The following MGAT4C variants were observed in gnomAD, a reference collection of about 807,000 sequenced individuals.
MGAT4C encodes the protein alpha-1,3-mannosyl-glycoprotein 4-beta-N-acetylglucosaminyltransferase C.
MGAT4C carries 19 observed loss-of-function variants against 40.1 expected under a neutral mutation model. That is an observed-to-expected ratio of 0.47 (90% confidence interval 0.33 to 0.70). The LOEUF is 0.70. MGAT4C is among the 30% of genes least tolerant of loss of function. MGAT4C has a pLI of 0.02. For synonymous variants in MGAT4C, 181 were observed against 187.1 expected (o/e 0.97, Z 0.27); for missense variants, 491 against 563.2 (o/e 0.87, Z 1.30).
intron 3 of MGAT4C, among the ~76,000 whole-genome samples, chr12:86,394,490 TTTA>T (rs890827950): frequency 5.2e-5 from 7 of 134,234 alleles, no homozygotes; most frequent in African/African-American, 2.1e-4. Flanking sequence ...ATATATATAC[TTTA>T]TATATATATT....
At chr12:86,301,264 C>A (rs973676927) in intron 4 of MGAT4C, among the ~76,000 whole-genome samples, 1 of 152,104 alleles carries the variant, frequency 6.6e-6, no homozygotes, top group Admixed American at 6.5e-5. Flanking sequence ...AGATAAGAAT[C>A]ATTTATCATG....
At chr12:86,515,915 T>G (rs1958678657) in intron 2 of MGAT4C, among the ~76,000 whole-genome samples, 1 of 151,952 alleles carries the variant, frequency 6.6e-6, no homozygotes. Context: ...GCTAATTTTT[T>G]TTGTATTTTT....
intron 1 of MGAT4C, among the ~76,000 whole-genome samples, chr12:86,168,709 G>A (rs1428003615): frequency 6.6e-6 from 1 of 152,096 alleles, no homozygotes; most frequent in South Asian, 2.1e-4. Flanking sequence ...GTTGTACTGT[G>A]ATTATGTGTT....
intron 2 of MGAT4C, among the ~76,000 whole-genome samples, chr12:86,449,327 A>C (rs1957387717): frequency 6.6e-6 from 1 of 152,128 alleles, no homozygotes; most frequent in South Asian, 2.1e-4. Context: ...TTTTATTTAG[A>C]TATGCTTTGG....
intron 1 of MGAT4C, among the ~76,000 whole-genome samples, chr12:86,072,148 C>T (rs1459925178): frequency 6.6e-6 from 1 of 151,878 alleles, no homozygotes; most frequent in Non-Finnish European, 1.5e-5. Flanking sequence ...GATTATTCCT[C>T]TTTTACAGAT....
intron 2 of MGAT4C, among the ~76,000 whole-genome samples, chr12:86,704,892 G>C (rs886447413): frequency 6.6e-6 from 1 of 151,970 alleles, no homozygotes; most frequent in Non-Finnish European, 1.5e-5. Context: ...TTCATATCTT[G>C]TTCTTCATTA....
chr12:86,608,210 T>C (rs1356525451), intron 2 of MGAT4C, among the ~76,000 whole-genome samples: 2 of 151,972 alleles, frequency 1.3e-5, no homozygotes, highest in Admixed American at 6.6e-5. Context: ...AAGTCCATAA[T>C]GGAAAGAGCT....
At chr12:86,346,151 G>C (rs1187560627) in intron 3 of MGAT4C, among the ~76,000 whole-genome samples, 2 of 152,100 alleles carry the variant, frequency 1.3e-5, no homozygotes, top group East Asian at 3.8e-4. Context: ...ATTATAATAT[G>C]CAGCATCAGA....
At chr12:86,417,019 A>G (rs946565665) in intron 3 of MGAT4C, among the ~76,000 whole-genome samples, 1 of 152,070 alleles carries the variant, frequency 6.6e-6, no homozygotes, top group African/African-American at 2.4e-5. Flanking sequence ...GAGACAATAC[A>G]TTTCTATTTT....
rs1565982090 is a variant in MGAT4C, at chr12:86,774,423, T to TC, written c.-261-47183_-261-47182insG. Reference sequence around the variant, plus strand: ...TCTCTCTCTCTCTCTCTCTCTCTCTTTCTTTCTTTCTTTTCTGTTAGCCAT... The same window carrying TC: ...TCTCTCTCTCTCTCTCTCTCTCTCTTCTCTTTCTTTCTTTTCTGTTAGCCAT... On this transcript the variant is annotated intron_variant, in intron 1 of 7. Coordinates refer to the MGAT4C transcript ENST00000548651. Among the ~76,000 whole-genome samples, 16 of 124,698 alleles carry TC rather than the reference T, an allele frequency of 1.3e-4. 1 individual carries two copies. The East Asian group carries it at 3.7e-3, about 29-fold the overall frequency. The allele number at this position is 124,698 out of a possible 152,430, so 81.8% of individuals were successfully genotyped here.
At position 86,718,583 on chromosome 12, in the gene MGAT4C, G is replaced by T. The variant is rs559688742; in HGVS notation, c.-229+8626C>A. On this transcript the variant is annotated intron_variant, in intron 2 of 7. Transcript: ENST00000548651. ...TTTACTTGATCTCTCTACATCAGGG[G>T]TCCCCAATCCCCTGACCATGGACCA... Among the ~76,000 whole-genome samples, 6 of 152,172 alleles carry T rather than the reference G, an allele frequency of 3.9e-5. No homozygotes were observed. The Middle Eastern group carries it at 0.014, about 345-fold the overall frequency.
intron 1 of MGAT4C, among the ~76,000 whole-genome samples, chr12:86,824,736 CAAAAA>C (rs35714537): frequency 3.3e-5 from 2 of 60,312 alleles, no homozygotes; most frequent in African/African-American, 5.8e-5. Flanking sequence ...ACAGCCAGGC[CAAAAA>C]AAAAAAAAAA....
At chr12:86,378,169 T>C (rs749003666) in intron 3 of MGAT4C, among the ~76,000 whole-genome samples, 1 of 152,182 alleles carries the variant, frequency 6.6e-6, no homozygotes, top group African/African-American at 2.4e-5. Context: ...TGAAAATGGG[T>C]GTACAAATGG....
At position 86,630,559 on chromosome 12, in the gene MGAT4C, C is replaced by T. The variant is rs189155679; in HGVS notation, c.-229+96650G>A. 1.3e-4 allele frequency among the ~76,000 whole-genome samples: 20 copies of T among 152,280 alleles called. No homozygotes were observed. The East Asian group carries it at 3.5e-3, about 26-fold the overall frequency. On this transcript the variant is annotated intron_variant, in intron 2 of 7. Transcript: ENST00000548651. ...TATCAAAAAGCTTATCCACCAAGAT[C>T]AAGTTGGTTTCATCCCTGGGATGCA...
At chr12:86,074,265 T>A (rs1004241664) in intron 1 of MGAT4C, among the ~76,000 whole-genome samples, 3 of 152,140 alleles carry the variant, frequency 2.0e-5, no homozygotes, top group African/African-American at 7.2e-5. Flanking sequence ...TTCGGGTATG[T>A]CTTTATCAGC....
chr12:86,121,394 A>T (rs987063811), intron 1 of MGAT4C, among the ~76,000 whole-genome samples: 2 of 152,164 alleles, frequency 1.3e-5, no homozygotes, highest in African/African-American at 4.8e-5. Context: ...AAATACAGAG[A>T]ACACCACAAA....
intron 2 of MGAT4C, among the ~76,000 whole-genome samples, chr12:86,543,142 C>T (rs111487428): frequency 6.6e-6 from 1 of 151,634 alleles, no homozygotes; most frequent in African/African-American, 2.4e-5. Context: ...TGATTAAGAG[C>T]GTTGATGAGT....
At chr12:86,651,184 A>G (rs1363192248) in intron 2 of MGAT4C, among the ~76,000 whole-genome samples, 2 of 151,908 alleles carry the variant, frequency 1.3e-5, no homozygotes, top group Middle Eastern at 3.2e-3. Flanking sequence ...CAAAAGTTCT[A>G]ATCCATTTAT....
chr12:86,677,750 G>A (rs1402841214), intron 2 of MGAT4C, among the ~76,000 whole-genome samples: 2 of 152,024 alleles, frequency 1.3e-5, no homozygotes, highest in Non-Finnish European at 2.9e-5. Flanking sequence ...AAATAGCTGA[G>A]GGAAATGTTG....
Sources: allele counts gnomAD v4.1 joint callset (sites outside exome capture counted in the v4.1 genomes callset), GRCh38; gene constraint gnomAD v4.1.1; transcripts MANE v1.5; gene names NCBI Gene and HGNC (gene_info 2026-07-23, HGNC 2026-07-21).